The following DCTN4 variants were observed in gnomAD, a reference collection of about 807,000 sequenced individuals.
DCTN4 encodes dynactin 4 (p62).
DCTN4 carries 23 observed loss-of-function variants against 62.7 expected under a neutral mutation model. The ratio of observed to expected loss-of-function variants is 0.37; its 90% CI spans 0.26 to 0.52. DCTN4 has a LOEUF of 0.52. Among genes scored for constraint, DCTN4 ranks in the 20% least tolerant of loss-of-function variants. DCTN4 has a pLI of 0.92. For missense variants in DCTN4, 514 were observed against 580.4 expected, an observed-to-expected ratio of 0.89 and a Z score of 1.18; for synonymous variants, 199 against 202.1, an observed-to-expected ratio of 0.98 and a Z score of 0.13.
rs146184112 is a variant in DCTN4 at position 150,711,319 on chromosome 5, T to C, written c.1213A>G (p.Lys405Glu). ...RKANKVGIFIKVTPQREEGEV... is the reference protein window; with the variant it reads ...RKANKVGIFIEVTPQREEGEV... ...CCCTCCTCACGCTGTGGTGTAACTT[T>C]GATGAAAATACCCACTTTGTTGGCC... is the stretch of plus-strand genomic sequence containing the variant. Residue 405 changes from lysine to glutamate, a missense_variant, in exon 13 of 13, where the codon AAA becomes GAA. Lys to Glu is a moderately conservative substitution (Grantham distance 56). Transcript: ENST00000447998. The C allele has an allele frequency of 8.1e-5, 131 of 1,613,276 alleles. No individual in the cohort carries two copies. Among genetic ancestry groups the C allele is most frequent in the Admixed American group, 3.2e-4 (19 of 59,994 alleles).
chr5:150,758,764 G>C, intron 1 of DCTN4, 95 bp downstream of exon 1: 1 of 1,527,836 alleles, frequency 6.5e-7, no homozygotes, highest in South Asian at 1.2e-5. Flanking sequence ...CAATCAGTAA[G>C]GAAGGAAAAT....
chr5:150,756,855 T>G (rs1752883096), intron 1 of DCTN4, among the ~76,000 whole-genome samples: 1 of 152,236 alleles, frequency 6.6e-6, no homozygotes, highest in South Asian at 2.1e-4. Flanking sequence ...AGGCTAGCTT[T>G]ATATGACTAT....
intron 9 of DCTN4, among the ~76,000 whole-genome samples, chr5:150,722,455 T>C (rs1332721243): frequency 6.6e-6 from 1 of 152,214 alleles, no homozygotes; most frequent in Non-Finnish European, 1.5e-5. Context: ...TACTCACAAG[T>C]CCCAGAGAGT....
chr5:150,729,207 T>A (rs1310240964), intron 8 of DCTN4, among the ~76,000 whole-genome samples: 2 of 151,898 alleles, frequency 1.3e-5, no homozygotes, highest in African/African-American at 2.4e-5. Flanking sequence ...AACTACCAAT[T>A]CAATGTTCCT....
intron 12 of DCTN4, among the ~76,000 whole-genome samples, chr5:150,711,942 C>G (rs1273985273): frequency 1.3e-5 from 2 of 152,106 alleles, no homozygotes. Flanking sequence ...CTGGTATATA[C>G]AGATCATCTA....
intron 4 of DCTN4, among the ~76,000 whole-genome samples, chr5:150,736,532 T>A (rs1421489347): frequency 6.6e-6 from 1 of 152,128 alleles, no homozygotes; most frequent in African/African-American, 2.4e-5. Context: ...GAATGAAGGA[T>A]AAAGTCTTTT....
At chr5:150,711,773 G>T (rs1487609883) in intron 12 of DCTN4, among the ~76,000 whole-genome samples, 1 of 152,076 alleles carries the variant, frequency 6.6e-6, no homozygotes, top group Non-Finnish European at 1.5e-5. Flanking sequence ...GCTTGCCTTG[G>T]CCTCCAAAAG....
rs141168099 is a variant in DCTN4 at position 150,758,685 on chromosome 5, C to G, written c.135+174G>C. 1,778 of 1,308,656 alleles carry G rather than the reference C, an allele frequency of 1.4e-3. 26 individuals carry two copies. The African/African-American group carries it at 0.023, about 17-fold the overall frequency. 81.1% of individuals were successfully genotyped at this position (1,308,656 alleles called of 1,614,324 possible). ...CCGCTCAGTCCCACCCGAGGCTGCT[C>G]CTCCTTTCCAAGTGACAGATTAGAA... On this transcript the variant is annotated intron_variant, in intron 1 of 12. Coordinates refer to ENST00000447998, the MANE Select transcript of DCTN4 (RefSeq NM_016221.4).
At chr5:150,758,206 C>T (rs1752933214) in intron 1 of DCTN4, 2 of 985,450 alleles carry the variant, frequency 2.0e-6, no homozygotes, top group Admixed American at 6.1e-5. Context: ...TTTTACTGGC[C>T]GGGGTCTTCT....
intron 3 of DCTN4, among the ~76,000 whole-genome samples, chr5:150,743,615 C>T (rs1166408505): frequency 1.3e-5 from 2 of 152,142 alleles, no homozygotes; most frequent in East Asian, 3.8e-4. Flanking sequence ...TCCAGAGGAA[C>T]GATCAGACAG....
rs2151463250 is a variant in DCTN4, at chr5:150,710,821, TAC to T, written c.*326_*327del. The T allele has an allele frequency of 2.9e-6, 1 of 340,784 alleles. No individual in the cohort carries two copies. The highest frequency in any genetic ancestry group is 6.5e-5 in the East Asian group (1 of 15,482). 21.1% of individuals were successfully genotyped at this position (340,784 alleles called of 1,614,324 possible). On this transcript the variant is annotated 3_prime_UTR_variant, in exon 13 of 13. Transcript: ENST00000447998. ...TTAGTGAGATCAGATCAAGAGACAG[TAC>T]AGAGTTTCTCAGGTGGTAAATACAA...
At chr5:150,740,291 C>T (rs1266232864) in intron 4 of DCTN4, among the ~76,000 whole-genome samples, 1 of 151,646 alleles carries the variant, frequency 6.6e-6, no homozygotes, top group Non-Finnish European at 1.5e-5. Context: ...CAAAGATACA[C>T]AAATGGCCAA....
intron 3 of DCTN4, among the ~76,000 whole-genome samples, 154 bp from the exon 4 acceptor site, chr5:150,742,311 A>G (rs1760798015): frequency 6.6e-6 from 1 of 152,224 alleles, no homozygotes; most frequent in Non-Finnish European, 1.5e-5. Flanking sequence ...GTTCAGAACA[A>G]AATTTTAAGA....
chr5:150,736,701 GA>G (rs894242721), intron 4 of DCTN4, among the ~76,000 whole-genome samples: 85 of 148,182 alleles, frequency 5.7e-4, no homozygotes, highest in East Asian at 4.7e-3. Flanking sequence ...ATAACACAAT[GA>G]AAAAAAAAAT....
intron 3 of DCTN4, among the ~76,000 whole-genome samples, chr5:150,746,189 T>C (rs1684336610): frequency 1.3e-5 from 2 of 152,210 alleles, no homozygotes; most frequent in South Asian, 2.1e-4. Context: ...CTAGAAAATC[T>C]AGAAGAAATG....
At chr5:150,744,988 A>G (rs540449789) in intron 3 of DCTN4, among the ~76,000 whole-genome samples, 2 of 151,352 alleles carry the variant, frequency 1.3e-5, no homozygotes, top group South Asian at 2.1e-4. Context: ...TAAAAGACAC[A>G]GACTGGCAAA....
intron 3 of DCTN4, among the ~76,000 whole-genome samples, chr5:150,752,743 T>C (rs377314770): frequency 9.8e-5 from 15 of 152,354 alleles, no homozygotes; most frequent in African/African-American, 3.6e-4. Context: ...CTCATATCCT[T>C]TGCCTGTTTT....
At chr5:150,754,179 T>C (rs906403062) in intron 2 of DCTN4, among the ~76,000 whole-genome samples, 3 of 152,218 alleles carry the variant, frequency 2.0e-5, no homozygotes, top group Non-Finnish European at 4.4e-5. Flanking sequence ...ATGCTACTTT[T>C]CCTAGTGCTC....
intron 11 of DCTN4, among the ~76,000 whole-genome samples, chr5:150,716,395 C>A (rs140423343): frequency 6.6e-6 from 1 of 152,228 alleles, no homozygotes; most frequent in African/African-American, 2.4e-5. Context: ...ACATGAGATA[C>A]TGGGTGATTA....
Sources: gnomAD v4.1 joint callset for allele counts (sites outside exome capture counted in the v4.1 genomes callset) on GRCh38, gnomAD v4.1.1 for gene constraint, MANE v1.5 for transcripts, NCBI Gene and HGNC (gene_info 2026-07-23, HGNC 2026-07-21) for gene names.